Variants in SMOC1 observed in about 807,000 individuals in gnomAD.
SMOC1 encodes SPARC related modular calcium binding 1, also known as SPARC-related modular calcium-binding protein 1.
In SMOC1, 22 loss-of-function variants were observed where a neutral mutation model predicts 56.3. The ratio of observed to expected loss-of-function variants is 0.39; its 90% CI spans 0.28 to 0.56. SMOC1 has a LOEUF of 0.56. SMOC1 is among the 20% of genes least tolerant of loss of function. The pLI is 0.61. For synonymous variants in SMOC1, 193 were observed against 215.0 expected (o/e 0.90, Z 0.89); for missense variants, 509 against 565.4 (o/e 0.90, Z 1.01).
chr14:69,903,009 G>T (rs1280314399), intron 1 of SMOC1, among the ~76,000 whole-genome samples: 1 of 152,170 alleles, frequency 6.6e-6, no homozygotes, highest in Admixed American at 6.5e-5. Flanking sequence ...CTCCCAAAGT[G>T]CCTAGATTGC....
At chr14:69,930,775 A>C (rs1055172624) in intron 1 of SMOC1, among the ~76,000 whole-genome samples, 3 of 152,192 alleles carry the variant, frequency 2.0e-5, no homozygotes, top group Non-Finnish European at 4.4e-5. Context: ...CCAGTGCCTG[A>C]TGCAGCTCTT....
intron 1 of SMOC1, among the ~76,000 whole-genome samples, chr14:69,894,861 T>C (rs1594789785): frequency 6.6e-6 from 1 of 152,214 alleles, no homozygotes; most frequent in African/African-American, 2.4e-5. Flanking sequence ...ATAGGCCATG[T>C]GAAGATGATT....
At chr14:69,978,709 G>C (rs948540367) in intron 5 of SMOC1, among the ~76,000 whole-genome samples, 4 of 152,116 alleles carry the variant, frequency 2.6e-5, no homozygotes, top group Admixed American at 6.5e-5. Context: ...AGAGACTATG[G>C]AATAAAGGAC....
At chr14:69,969,523 C>T (rs887622409) in intron 3 of SMOC1, among the ~76,000 whole-genome samples, 13 of 152,080 alleles carry the variant, frequency 8.5e-5, no homozygotes, top group Non-Finnish European at 1.6e-4. Flanking sequence ...AGAACTCACC[C>T]GCTGTCGTGA....
At chr14:69,911,452 C>A (rs901673119) in intron 1 of SMOC1, among the ~76,000 whole-genome samples, 7 of 152,238 alleles carry the variant, frequency 4.6e-5, no homozygotes, top group Non-Finnish European at 7.3e-5. Flanking sequence ...CCACCACAAT[C>A]AAGACACAGA....
rs151335029 is a variant in SMOC1, at chr14:69,972,682, A to G, written c.379-3033A>G. On this transcript the variant is annotated intron_variant, in intron 3 of 11. Transcript: ENST00000361956. Reference sequence around the variant, plus strand: ...GTGTTCATGTGCCCACTGGGATACAATGGGCACACTCAGTGAGAATGTGGC... The same window carrying G: ...GTGTTCATGTGCCCACTGGGATACAGTGGGCACACTCAGTGAGAATGTGGC... Among the ~76,000 whole-genome samples, 376 of 152,258 alleles carry G rather than the reference A, an allele frequency of 2.5e-3. 4 individuals carry two copies. The highest frequency in any genetic ancestry group is 8.7e-3 in the African/African-American group (362 of 41,548).
chr14:69,958,221 T>C (rs763764750), intron 3 of SMOC1, among the ~76,000 whole-genome samples: 5 of 152,144 alleles, frequency 3.3e-5, no homozygotes, highest in Non-Finnish European at 5.9e-5. Flanking sequence ...TGATTGCACC[T>C]GTGAATAGCC....
intron 3 of SMOC1, among the ~76,000 whole-genome samples, chr14:69,967,559 A>G (rs1432461382): frequency 6.7e-6 from 1 of 148,278 alleles, no homozygotes; most frequent in Non-Finnish European, 1.5e-5. Flanking sequence ...GGAAGCCAAA[A>G]GATTGGACAC....
rs142663388 is a variant in SMOC1, at chr14:69,927,086, A to G, written c.100-25052A>G. Reference sequence around the variant, plus strand: ...GGTGGTTCCGTTATCATGCCATTTTACAGATGTGGGAACTGAGGCACAGAG... The same window carrying G: ...GGTGGTTCCGTTATCATGCCATTTTGCAGATGTGGGAACTGAGGCACAGAG... On this transcript the variant is annotated intron_variant, in intron 1 of 11. Coordinates refer to ENST00000361956, the MANE Select transcript of SMOC1 (RefSeq NM_001034852.3). Among the ~76,000 whole-genome samples, 15 of 152,362 alleles carry G rather than the reference A, an allele frequency of 9.8e-5. No individual in the cohort carries two copies. The East Asian group carries it at 2.9e-3, about 29-fold the overall frequency.
At chr14:69,995,517 T>C (rs1261608577) in intron 7 of SMOC1, among the ~76,000 whole-genome samples, 2 of 152,216 alleles carry the variant, frequency 1.3e-5, no homozygotes, top group African/African-American at 2.4e-5. Context: ...GGTCAGTCTT[T>C]GACAGAATAG....
chr14:69,910,245 C>T (rs115812906), intron 1 of SMOC1, among the ~76,000 whole-genome samples: 3 of 152,146 alleles, frequency 2.0e-5, no homozygotes, highest in South Asian at 2.1e-4. Context: ...TTGAGCAAAC[C>T]GAGGTGCAGA....
chr14:69,899,706 C>T (rs934803519), intron 1 of SMOC1, among the ~76,000 whole-genome samples: 10 of 152,178 alleles, frequency 6.6e-5, no homozygotes, highest in Non-Finnish European at 2.9e-5. Context: ...AGGTAAAACT[C>T]ACTAAAATGT....
At chr14:69,947,664 C>A (rs190390000) in intron 1 of SMOC1, among the ~76,000 whole-genome samples, 26 of 152,298 alleles carry the variant, frequency 1.7e-4, no homozygotes, top group African/African-American at 6.0e-4. Context: ...CTCTTCTCCT[C>A]TTGGTTTTTT....
chr14:69,948,292 A>G (rs1300004740), intron 1 of SMOC1, among the ~76,000 whole-genome samples: 2 of 152,238 alleles, frequency 1.3e-5, no homozygotes, highest in Admixed American at 1.3e-4. Flanking sequence ...ATGTGACACC[A>G]TAATTGATTG....
At chr14:69,985,948 CAGGATGTAT>C (rs1407352980) in intron 5 of SMOC1, among the ~76,000 whole-genome samples, 1 of 152,120 alleles carries the variant, frequency 6.6e-6, no homozygotes, top group East Asian at 1.9e-4. Context: ...GGGGAAAAAA[CAGGATGTAT>C]AGGGTTCGGT....
intron 5 of SMOC1, among the ~76,000 whole-genome samples, chr14:69,991,367 C>T (rs117537586): frequency 2.3e-4 from 35 of 152,246 alleles, no homozygotes; most frequent in Non-Finnish European, 5.0e-4. Flanking sequence ...GGATGAAAAA[C>T]ACTCATTTTA....
chr14:69,931,028 T>G (rs564640620), intron 1 of SMOC1, among the ~76,000 whole-genome samples: 1 of 152,356 alleles, frequency 6.6e-6, no homozygotes, highest in South Asian at 2.1e-4. Flanking sequence ...CTTCACTCTG[T>G]TCTGCCCTCT....
intron 1 of SMOC1, among the ~76,000 whole-genome samples, chr14:69,901,116 A>T (rs555902274): frequency 2.0e-5 from 3 of 152,326 alleles, no homozygotes; most frequent in South Asian, 2.1e-4. Flanking sequence ...AAAATGAGAG[A>T]TATCTTTTCT....
At chr14:69,882,689 G>A (rs1883677576) in intron 1 of SMOC1, among the ~76,000 whole-genome samples, 1 of 152,166 alleles carries the variant, frequency 6.6e-6, no homozygotes, top group Non-Finnish European at 1.5e-5. Flanking sequence ...GGCTGATGGT[G>A]TCTGGCCGAT....
Sources: gnomAD v4.1 joint callset for allele counts (sites outside exome capture counted in the v4.1 genomes callset) on GRCh38, gnomAD v4.1.1 for gene constraint, MANE v1.5 for transcripts, NCBI Gene and HGNC (gene_info 2026-07-23, HGNC 2026-07-21) for gene names.